The following SNTG1 variants were observed in gnomAD, a reference collection of about 807,000 sequenced individuals.
SNTG1 encodes syntrophin gamma 1.
In SNTG1, 39 loss-of-function variants were observed where a neutral mutation model predicts 74.7. That is an observed-to-expected ratio of 0.52 (90% CI 0.40 to 0.68). The LOEUF is 0.68. Among genes scored for constraint, SNTG1 ranks in the 30% least tolerant of loss-of-function variants. SNTG1 has a pLI of 0.00. For synonymous variants in SNTG1, 254 were observed against 217.1 expected, an observed-to-expected ratio of 1.17 and a Z score of -1.49; for missense variants, 685 against 609.5, an observed-to-expected ratio of 1.12 and a Z score of -1.30.
At chr8:50,077,618 G>T (rs915849350) in intron 1 of SNTG1, among the ~76,000 whole-genome samples, 1 of 152,130 alleles carries the variant, frequency 6.6e-6, no homozygotes, top group African/African-American at 2.4e-5. Flanking sequence ...CAACAGATAA[G>T]TTGTAATTTT....
At chr8:50,548,711 G>T (rs2251663) in intron 11 of SNTG1, among the ~76,000 whole-genome samples, 54,533 of 151,818 alleles carry the variant, frequency 0.36, 12,056 homozygotes, top group African/African-American at 0.63. Flanking sequence ...TCAGGAAGTC[G>T]AGGGGCACTA....
At chr8:49,969,388 T>A (rs957254066) in intron 1 of SNTG1, among the ~76,000 whole-genome samples, 5,478 of 17,456 alleles carry the variant, frequency 0.31, 615 homozygotes, top group Non-Finnish European at 0.39. Context: ...TCATTTAATC[T>A]TTTTTTTTTT....
At chr8:50,012,898 T>C (rs1331799948) in intron 1 of SNTG1, among the ~76,000 whole-genome samples, 2 of 150,842 alleles carry the variant, frequency 1.3e-5, no homozygotes, top group East Asian at 2.0e-4. Context: ...GGAAAGTAAA[T>C]GGTGTCCCAG....
intron 1 of SNTG1, among the ~76,000 whole-genome samples, chr8:50,042,697 C>T (rs1446517236): frequency 6.6e-6 from 1 of 151,894 alleles, no homozygotes; most frequent in Non-Finnish European, 1.5e-5. Context: ...GCTGGGACTA[C>T]AGGCACATGC....
chr8:50,685,523 T>A (rs1416048937), intron 15 of SNTG1, among the ~76,000 whole-genome samples: 2 of 152,242 alleles, frequency 1.3e-5, no homozygotes, highest in Non-Finnish European at 2.9e-5. Flanking sequence ...TCTCTGAGTT[T>A]TCAATATTTG....
Position 50,521,074 on chromosome 8 carries a change from A to G in SNTG1, c.467-9103A>G, listed in dbSNP as rs181516556. Among the ~76,000 whole-genome samples, 13 of 152,328 alleles carry G rather than the reference A, an allele frequency of 8.5e-5. No individual in the cohort carries two copies. The East Asian group carries it at 2.3e-3, about 27-fold the overall frequency. On this transcript the variant is annotated intron_variant, in intron 9 of 18. Coordinates refer to ENST00000642720, the MANE Select transcript of SNTG1 (RefSeq NM_018967.5). ...AAAGAAAATGTGGCACATATACACC[A>G]TGGAATACTATGCAGCTATAAAAAA...
intron 1 of SNTG1, among the ~76,000 whole-genome samples, chr8:50,002,578 A>G (rs1814843261): frequency 6.6e-6 from 1 of 152,006 alleles, no homozygotes; most frequent in Admixed American, 6.6e-5. Flanking sequence ...TATTGGGTGG[A>G]TTACTTGATT....
At chr8:50,289,519 A>T (rs578087298) in intron 2 of SNTG1, among the ~76,000 whole-genome samples, 13 of 152,258 alleles carry the variant, frequency 8.5e-5, no homozygotes, top group African/African-American at 3.1e-4. Context: ...TGCACACATC[A>T]TTGTATCACT....
At chr8:50,209,899 CT>C (rs1434230878) in intron 2 of SNTG1, among the ~76,000 whole-genome samples, 2 of 152,100 alleles carry the variant, frequency 1.3e-5, no homozygotes, top group African/African-American at 4.8e-5. Context: ...GAGAAGAAGA[CT>C]TTAGATGACT....
Position 50,156,542 on chromosome 8 carries a change from T to C in SNTG1, c.-102-16019T>C, listed in dbSNP as rs1426775931. Among the ~76,000 whole-genome samples the C allele has an allele frequency of 5.3e-5, 8 of 152,076 alleles. No homozygotes were observed. In the South Asian group the frequency reaches 1.2e-3, roughly 24 times the overall value. ...TATATATAATGTGAATCTGTATGTA[T>C]ATATAGTTATATATGTATTACTGTA... On this transcript the variant is annotated intron_variant, in intron 1 of 18. Coordinates refer to ENST00000642720, the MANE Select transcript of SNTG1 (RefSeq NM_018967.5).
chr8:50,436,293 A>G (rs2093302106), intron 4 of SNTG1, among the ~76,000 whole-genome samples: 1 of 152,176 alleles, frequency 6.6e-6, no homozygotes, highest in Non-Finnish European at 1.5e-5. Flanking sequence ...TGTCAGTTTT[A>G]TAAAAGCAGT....
chr8:50,016,211 A>G (rs968138738), intron 1 of SNTG1, among the ~76,000 whole-genome samples: 2 of 152,116 alleles, frequency 1.3e-5, no homozygotes, highest in Non-Finnish European at 2.9e-5. Flanking sequence ...CTGAGCTGGT[A>G]GTCACCAGTT....
chr8:50,494,096 G>A (rs1354974890), intron 8 of SNTG1, among the ~76,000 whole-genome samples: 1 of 151,210 alleles, frequency 6.6e-6, no homozygotes, highest in African/African-American at 2.4e-5. Flanking sequence ...TAATTGAAGG[G>A]AGAAACATGT....
intron 2 of SNTG1, among the ~76,000 whole-genome samples, chr8:50,176,525 A>G (rs1277319202): frequency 6.6e-6 from 1 of 152,178 alleles, no homozygotes; most frequent in Non-Finnish European, 1.5e-5. Context: ...AGCTTCATGT[A>G]GGGAAGGCAG....
chr8:50,634,357 CG>C (rs2095024922), intron 13 of SNTG1, among the ~76,000 whole-genome samples: 1 of 152,162 alleles, frequency 6.6e-6, no homozygotes, highest in Non-Finnish European at 1.5e-5. Context: ...GTCATGCATC[CG>C]GATGCCCTCT....
At chr8:50,402,433 T>C in intron 4 of SNTG1, 89 bp downstream of exon 4, 1 of 1,414,450 alleles carries the variant, frequency 7.1e-7, no homozygotes, top group South Asian at 1.4e-5. Context: ...AATATGTTTT[T>C]CTTTCAGTGT....
At chr8:50,370,243 T>C (rs140363607) in intron 2 of SNTG1, among the ~76,000 whole-genome samples, 61 of 152,312 alleles carry the variant, frequency 4.0e-4, no homozygotes, top group African/African-American at 1.3e-3. Flanking sequence ...GAGCTCTTTT[T>C]TCCTGTAGCC....
chr8:50,471,748 T>C (rs1179041494), intron 8 of SNTG1, among the ~76,000 whole-genome samples: 1 of 152,060 alleles, frequency 6.6e-6, no homozygotes, highest in Non-Finnish European at 1.5e-5. Context: ...AAGCAAACTG[T>C]GGTAAAATGA....
chr8:50,394,404 A>G (rs921010885), intron 3 of SNTG1, 139 bp downstream of exon 3: 2 of 754,538 alleles, frequency 2.7e-6, no homozygotes, highest in Non-Finnish European at 4.2e-6. Context: ...CTTCCAGATT[A>G]CGTTCTCCTT....
Sources: gnomAD v4.1 joint callset for allele counts (sites outside exome capture counted in the v4.1 genomes callset) on GRCh38, gnomAD v4.1.1 for gene constraint, MANE v1.5 for transcripts, NCBI Gene and HGNC (gene_info 2026-07-23, HGNC 2026-07-21) for gene names.